TASOR: variants seen among roughly 807,000 people sequenced by gnomAD.
TASOR encodes protein TASOR.
Under a neutral mutation model 178.6 loss-of-function variants are expected in TASOR, and 53 were observed. The ratio of observed to expected loss-of-function variants is 0.30; its 90% CI spans 0.24 to 0.37. The LOEUF is 0.37. Ranked by LOEUF, TASOR falls within the 10% of genes least tolerant of loss-of-function variation. The pLI is 1.00. For synonymous variants in TASOR, 713 were observed against 696.2 expected (o/e 1.02, Z -0.38); for missense variants, 1,815 against 1,971.4 (o/e 0.92, Z 1.50).
At chr3:56,662,866 T>A (rs573088014) in intron 8 of TASOR, among the ~76,000 whole-genome samples, 66 of 152,308 alleles carry the variant, frequency 4.3e-4, no homozygotes, top group Non-Finnish European at 6.6e-4. Flanking sequence ...TTCTACTCAT[T>A]GTGTTTTCAT....
intron 11 of TASOR, among the ~76,000 whole-genome samples, chr3:56,653,732 C>T (rs561004700): frequency 2.5e-4 from 38 of 152,058 alleles, no homozygotes; most frequent in African/African-American, 8.9e-4. Flanking sequence ...TTGTTGATTA[C>T]AATGCAATTA....
chr3:56,668,840 C>T (rs1338930792), intron 5 of TASOR, among the ~76,000 whole-genome samples: 4 of 152,028 alleles, frequency 2.6e-5, no homozygotes, highest in Admixed American at 6.6e-5. Flanking sequence ...TGCATGGTGG[C>T]GCACGCTTTT....
intron 15 of TASOR, 75 bp downstream of exon 15, chr3:56,641,274 C>T (rs1479277072): frequency 7.1e-7 from 1 of 1,398,824 alleles, no homozygotes; most frequent in Non-Finnish European, 9.6e-7. Context: ...AAAATCATTC[C>T]CTGAAGCATA....
chr3:56,678,121 A>G (rs2031471743), intron 1 of TASOR, among the ~76,000 whole-genome samples: 1 of 151,766 alleles, frequency 6.6e-6, no homozygotes, highest in Non-Finnish European at 1.5e-5. Flanking sequence ...CCTGACTCTT[A>G]GCCATACTAT....
intron 17 of TASOR, among the ~76,000 whole-genome samples, chr3:56,636,275 C>G (rs1482829781): frequency 6.9e-6 from 1 of 145,550 alleles, no homozygotes; most frequent in Non-Finnish European, 1.5e-5. Flanking sequence ...GAGCAAGATT[C>G]TGTTGCAAAA....
At chr3:56,623,907 A>C in intron 23 of TASOR, 1 of 1,322,400 alleles carries the variant, frequency 7.6e-7, no homozygotes, top group Non-Finnish European at 1.0e-6. Flanking sequence ...TTTGACATCT[A>C]GCTTCACTGG....
intron 7 of TASOR, 144 bp downstream of exon 7, chr3:56,666,116 T>A: frequency 1.9e-6 from 1 of 514,780 alleles, no homozygotes; most frequent in Non-Finnish European, 3.2e-6. Flanking sequence ...AAAGTCATTG[T>A]AAACACTTCA....
chr3:56,669,252 C>T (rs570136111), intron 5 of TASOR, among the ~76,000 whole-genome samples: 5 of 152,074 alleles, frequency 3.3e-5, no homozygotes, highest in Non-Finnish European at 5.9e-5. Flanking sequence ...GCCTGTAATC[C>T]CAGCACTTTG....
At chr3:56,649,209 A>G (rs898936191) in intron 11 of TASOR, 152 bp from the exon 12 acceptor site, 1 of 510,854 alleles carries the variant, frequency 2.0e-6, no homozygotes, top group African/African-American at 2.0e-5. Flanking sequence ...AATTCTTTCT[A>G]CCAACTCTGC....
rs754769650 is a variant in TASOR at position 56,639,992 on chromosome 3, T to A, written c.2758A>T (p.Ile920Phe). The change falls in exon 16 of 24, where the codon ATT (isoleucine) becomes TTT (phenylalanine). Residue 920 changes from isoleucine (I) to phenylalanine (F), a missense_variant. By Grantham distance (21) the Ile-to-Phe change is conservative. Transcript: ENST00000683822. ...ETEIHWKLIP[I>F]TGGNARSPED... is the part of the protein sequence containing the mutation. ...CCAAGTATACTTTTCTTACCTGTAA[T>A]TGGAATCAGTTTCCAATGTATTTCA... 3 of 1,603,946 alleles carry A rather than the reference T, an allele frequency of 1.9e-6. No homozygotes were observed. The highest frequency in any genetic ancestry group is 2.5e-6 in the Non-Finnish European group (3 of 1,176,638).
chr3:56,677,659 T>C (rs1298802706), intron 1 of TASOR, among the ~76,000 whole-genome samples: 1 of 152,150 alleles, frequency 6.6e-6, no homozygotes, highest in African/African-American at 2.4e-5. Context: ...GCTGGAAAAA[T>C]GACTGTTTCC....
chr3:56,668,312 G>A (rs1387264151), intron 6 of TASOR, 85 bp downstream of exon 6: 1 of 1,293,960 alleles, frequency 7.7e-7, no homozygotes, highest in Non-Finnish European at 1.1e-6. Context: ...TGTGGGGACA[G>A]AGAGAACTGA....
chr3:56,620,898 A>C lies in TASOR; in HGVS notation c.*2139T>G, dbSNP rs780869442. 2.6e-5 allele frequency: 4 copies of C among 152,718 alleles called. No homozygotes were observed. The highest frequency in any genetic ancestry group is 5.8e-5 in the Non-Finnish European group (4 of 68,484). The allele number at this position is 152,718 out of a possible 1,614,324, so 9.5% of individuals were successfully genotyped here. ...CCAGGAGCAGTGGCTCAAGCCTGTAATCCCAGCACTTTGGGAGGCTGAGGC... is the reference window on the plus strand; with the variant it reads ...CCAGGAGCAGTGGCTCAAGCCTGTACTCCCAGCACTTTGGGAGGCTGAGGC... On this transcript the variant is annotated 3_prime_UTR_variant, in exon 24 of 24. Coordinates refer to ENST00000683822, the MANE Select transcript of TASOR (RefSeq NM_001365635.2).
chr3:56,634,571 GGAACAATAATAAGACAAGA>G (rs1417128634), intron 17 of TASOR, among the ~76,000 whole-genome samples: 1 of 152,070 alleles, frequency 6.6e-6, no homozygotes, highest in East Asian at 1.9e-4. Context: ...GGAAATAAAA[GGAACAATAATAAGACAAGA>G]GAAGAACATA....
rs1383602933 is a variant in TASOR, at chr3:56,646,511, T to C, written c.2215+11A>G. On this transcript the variant is annotated intron_variant, in intron 14 of 23. Coordinates refer to ENST00000683822, the MANE Select transcript of TASOR (RefSeq NM_001365635.2). ...ATTTTTGGCTGTTATAAGAGCAATC[T>C]GATATTTTACCTTCATACAGATGGC... is the stretch of plus-strand genomic sequence containing the variant. 6.3e-7 allele frequency: 1 copy of C among 1,578,030 alleles called. No homozygotes were observed. Among genetic ancestry groups the C allele is most frequent in the Non-Finnish European group, 8.6e-7 (1 of 1,166,264 alleles).
intron 5 of TASOR, among the ~76,000 whole-genome samples, chr3:56,669,094 GA>G (rs2030382292): frequency 6.6e-6 from 1 of 151,216 alleles, no homozygotes; most frequent in African/African-American, 2.4e-5. Context: ...CAAGTAAATA[GA>G]AACTCCATTC....
rs1343400226 is a variant in TASOR at position 56,676,681 on chromosome 3, TAAAAG to T, written c.332-2961_332-2957del. ...AATTTCTATGAAATGTTAGTCTACA[TAAAAG>T]AAATTTTCATTAGTTAAGCTACCCA... On this transcript the variant is annotated intron_variant, in intron 1 of 23. Transcript: ENST00000683822. Among the ~76,000 whole-genome samples the T allele has an allele frequency of 2.6e-5, 4 of 152,318 alleles. No individual in the cohort carries two copies. The East Asian group carries it at 7.7e-4, about 29-fold the overall frequency.
chr3:56,629,720 T>C (rs1270639820), intron 18 of TASOR, among the ~76,000 whole-genome samples: 1 of 152,110 alleles, frequency 6.6e-6, no homozygotes, highest in Admixed American at 6.6e-5. Flanking sequence ...GGAGGTCATA[T>C]TCCTCATTTC....
intron 13 of TASOR, 81 bp from the exon 14 acceptor site, chr3:56,647,304 AAAG>A: frequency 8.9e-7 from 1 of 1,126,646 alleles, no homozygotes; most frequent in Non-Finnish European, 1.2e-6. Flanking sequence ...AAATATTGCC[AAAG>A]AAGTATAAAA....
Sources: gnomAD v4.1 joint callset for allele counts (sites outside exome capture counted in the v4.1 genomes callset) on GRCh38, gnomAD v4.1.1 for gene constraint, MANE v1.5 for transcripts, NCBI Gene and HGNC (gene_info 2026-07-23, HGNC 2026-07-21) for gene names.